Variants in SCN10A observed in about 807,000 individuals in gnomAD.
SCN10A encodes the protein sodium voltage-gated channel alpha subunit 10, also known as sodium channel protein type 10 subunit alpha.
SCN10A carries 162 observed loss-of-function variants against 170.7 expected under a neutral mutation model. The observed-to-expected ratio is 0.95, with a 90% CI of 0.84 to 1.08. The LOEUF is 1.08. Among genes scored for constraint, SCN10A ranks in the 50% least tolerant of loss-of-function variants. The pLI, the probability that SCN10A is intolerant of heterozygous loss-of-function variation, is 0.00. For missense variants in SCN10A, 2,527 were observed against 2,436.9 expected (o/e 1.04, Z -0.78); for synonymous variants, 985 against 904.6 (o/e 1.09, Z -1.59).
At chr3:38,732,441 C>G (rs1487007870) in intron 15 of SCN10A, among the ~76,000 whole-genome samples, 1 of 152,208 alleles carries the variant, frequency 6.6e-6, no homozygotes, top group East Asian at 1.9e-4. Context: ...AGCTTCCCAA[C>G]AAGCACTGAA....
chr3:38,808,180 C>T (rs2064417434), intron 1 of SCN10A, among the ~76,000 whole-genome samples: 1 of 152,086 alleles, frequency 6.6e-6, no homozygotes, highest in African/African-American at 2.4e-5. Flanking sequence ...TAGTAGTTAC[C>T]CTGGTCTTCT....
At chr3:38,707,755 T>A (rs2063226345) in intron 25 of SCN10A, among the ~76,000 whole-genome samples, 1 of 152,088 alleles carries the variant, frequency 6.6e-6, no homozygotes, top group Non-Finnish European at 1.5e-5. Context: ...AGAGTCACAG[T>A]CCCTCCCAGG....
rs370722965 is a variant in SCN10A at position 38,728,842 on chromosome 3, G to A, written c.2340C>T (p.Ile780=). ...WPTLNTLIKI[I]GNSVGALGNL... ...TCCCCAGTGCCCCCACTGAGTTTCC[G>A]ATGATCTTGATGAGTGTGTTTAAGG... The change falls in exon 16 of 28, where the codon ATC becomes ATT. Residue 780 remains isoleucine (I), a synonymous_variant. Transcript: ENST00000449082. The A allele has an allele frequency of 8.1e-6, 13 of 1,614,160 alleles. No homozygotes were observed. The highest frequency in any genetic ancestry group is 2.2e-5 in the East Asian group (1 of 44,876).
chr3:38,755,904 G>A lies in SCN10A; in HGVS notation c.1345C>T (p.Pro449Ser), dbSNP rs2126027158. 1 of 1,614,202 alleles carries A rather than the reference G, an allele frequency of 6.2e-7. No individual in the cohort carries two copies. The highest frequency in any genetic ancestry group is 8.5e-7 in the Non-Finnish European group (1 of 1,180,034). Residue 449 changes from proline (P) to serine (S), a missense_variant, in exon 11 of 28, where the codon CCT becomes TCT. Physicochemically the swap from Pro to Ser is moderately conservative, Grantham distance 74. Coordinates refer to ENST00000449082, the MANE Select transcript of SCN10A (RefSeq NM_006514.4). The stretch of plus-strand genomic sequence containing the variant: ...TCACTGGCATTTTTGGAGGTTAAAG[G>A]TGATCCATTGTGGGAGTGGAGAGAG... The part of the protein sequence containing the change: ...TTSLHSHNGS[P>S]LTSKNASERR...
Position 38,718,648 on chromosome 3 carries a change from C to T in SCN10A, c.3681+5G>A. 1.2e-6 allele frequency: 2 copies of T among 1,614,038 alleles called. No individual in the cohort carries two copies. The highest frequency in any genetic ancestry group is 2.2e-5 in the East Asian group (1 of 44,884). ...AACCCCACGTGTTCCCACTGAGCCA[C>T]TCACATTCACAATGAGGAAGTCCAG... On this transcript the variant is annotated splice_donor_5th_base_variant and intron_variant, in intron 21 of 27. Coordinates refer to ENST00000449082, the MANE Select transcript of SCN10A (RefSeq NM_006514.4).
At chr3:38,798,613 T>C (rs960239454) in intron 1 of SCN10A, among the ~76,000 whole-genome samples, 1 of 152,104 alleles carries the variant, frequency 6.6e-6, no homozygotes, top group Non-Finnish European at 1.5e-5. Context: ...CCAAGAAATA[T>C]CTATTCTAGT....
chr3:38,750,909 A>C (rs547827972), intron 12 of SCN10A, among the ~76,000 whole-genome samples: 12 of 152,004 alleles, frequency 7.9e-5, no homozygotes, highest in Non-Finnish European at 1.8e-4. Context: ...GTGCTAATGC[A>C]CTCCCAGCGA....
intron 15 of SCN10A, among the ~76,000 whole-genome samples, chr3:38,734,054 C>T (rs2126007545): frequency 6.6e-6 from 1 of 152,250 alleles, no homozygotes; most frequent in East Asian, 1.9e-4. Context: ...CGGAGTCTCG[C>T]TCTGTTGCCC....
chr3:38,775,166 T>C (rs1364812360), intron 4 of SCN10A, among the ~76,000 whole-genome samples: 1 of 152,244 alleles, frequency 6.6e-6, no homozygotes, highest in Non-Finnish European at 1.5e-5. Context: ...CATTCAGTAT[T>C]GTGGAACTAT....
intron 1 of SCN10A, among the ~76,000 whole-genome samples, chr3:38,812,551 C>T (rs1419845351): frequency 6.6e-6 from 1 of 152,078 alleles, no homozygotes; most frequent in Admixed American, 6.5e-5. Context: ...TGTGTAACTA[C>T]CCCCAAGACA....
intron 5 of SCN10A, among the ~76,000 whole-genome samples, chr3:38,767,820 T>C (rs1208353867): frequency 1.3e-5 from 2 of 152,130 alleles, no homozygotes; most frequent in East Asian, 1.9e-4. Flanking sequence ...ATGACCTGTC[T>C]AGTGCTGTCA....
rs751384151 is a variant in SCN10A at position 38,698,034 on chromosome 3, G to A, written c.5186C>T (p.Thr1729Met). ...AVILENFNVA[T>M]EESTEPLSED... ...ACTCAGGGGCTCAGTGCTCTCCTCC[G>A]TGGCCACATTGAAGTTCTCCAGAAT... Residue 1729 changes from threonine to methionine, a missense_variant, in exon 28 of 28, where the codon ACG (threonine) becomes ATG (methionine). By Grantham distance (81) the Thr-to-Met change is moderately conservative. Transcript: ENST00000449082. The A allele has an allele frequency of 3.0e-5, 49 of 1,614,124 alleles. No homozygotes were observed. Among genetic ancestry groups the A allele is most frequent in the Non-Finnish European group, 3.7e-5 (44 of 1,180,032 alleles).
chr3:38,716,134 C>T (rs1298887170), intron 21 of SCN10A, among the ~76,000 whole-genome samples: 2 of 152,004 alleles, frequency 1.3e-5, no homozygotes, highest in Non-Finnish European at 2.9e-5. Flanking sequence ...GCTCTTGCCA[C>T]AGGGGGAGAA....
chr3:38,749,413 G>A (rs2063725120), intron 13 of SCN10A, among the ~76,000 whole-genome samples: 1 of 152,184 alleles, frequency 6.6e-6, no homozygotes, highest in Non-Finnish European at 1.5e-5. Context: ...AAGGTTAGAG[G>A]GATGCAATCA....
chr3:38,729,018 C>T lies in SCN10A; in HGVS notation c.2281-117G>A, dbSNP rs139687189. ...CACAAGGCCTCTCATCCCATTAAAC[C>T]AGGGCGTTTTCTGGACACTGCTTTT... On this transcript the variant is annotated intron_variant, in intron 15 of 27. Transcript: ENST00000449082. The T allele has an allele frequency of 1.4e-5, 19 of 1,355,608 alleles. No individual in the cohort carries two copies. In the East Asian group the frequency reaches 4.0e-4, roughly 29 times the overall value. The allele number at this position is 1,355,608 out of a possible 1,614,324, so 84.0% of individuals were successfully genotyped here.
At chr3:38,764,096 C>T (rs1276967745) in intron 5 of SCN10A, among the ~76,000 whole-genome samples, 2 of 152,334 alleles carry the variant, frequency 1.3e-5, no homozygotes, top group African/African-American at 4.8e-5. Flanking sequence ...GATGAAGAAC[C>T]TTCTTCAGAG....
intron 20 of SCN10A, among the ~76,000 whole-genome samples, chr3:38,719,452 A>G (rs13098827): frequency 0.69 from 96,474 of 139,188 alleles, 34,021 homozygotes; most frequent in African/African-American, 0.89. Flanking sequence ...GGAGTGCAGT[A>G]GCGGGATCTC....
intron 5 of SCN10A, among the ~76,000 whole-genome samples, chr3:38,764,925 T>A (rs1165627385): frequency 6.6e-6 from 1 of 152,220 alleles, no homozygotes; most frequent in Non-Finnish European, 1.5e-5. Context: ...TGGTATCTCA[T>A]TGTGGTTTTA....
chr3:38,716,075 A>T (rs2063331068), intron 21 of SCN10A, among the ~76,000 whole-genome samples: 2 of 152,196 alleles, frequency 1.3e-5, no homozygotes. Context: ...ACTATAGTTA[A>T]TAATAGCATA....
Sources: allele counts gnomAD v4.1 joint callset (sites outside exome capture counted in the v4.1 genomes callset), GRCh38; gene constraint gnomAD v4.1.1; transcripts MANE v1.5; gene names NCBI Gene and HGNC (gene_info 2026-07-23, HGNC 2026-07-21).